Variants in MTUS2 observed in about 807,000 individuals in gnomAD.
MTUS2 encodes the protein microtubule associated scaffold protein 2.
Under a neutral mutation model 114.1 loss-of-function variants are expected in MTUS2, and 40 were observed. The ratio of observed to expected loss-of-function variants is 0.35; its 90% CI spans 0.27 to 0.46. MTUS2 has a LOEUF of 0.46. MTUS2 is among the 20% of genes least tolerant of loss of function. MTUS2 has a pLI of 1.00. For missense variants in MTUS2, 1,679 were observed against 1,705.4 expected (o/e 0.98, Z 0.27); for synonymous variants, 688 against 672.0 (o/e 1.02, Z -0.37).
At position 29,126,208 on chromosome 13, in the gene MTUS2, G is replaced by A. The variant is rs192770880; in HGVS notation, c.2644+25238G>A. Reference sequence around the variant, plus strand: ...CTCCTGCCCTTTACTGAGAACCCACGGGGAGGAGGTCTTTTCAGTTCCTTA... The same window carrying A: ...CTCCTGCCCTTTACTGAGAACCCACAGGGAGGAGGTCTTTTCAGTTCCTTA... On this transcript the variant is annotated intron_variant, in intron 5 of 15. Coordinates refer to ENST00000612955, the MANE Select transcript of MTUS2 (RefSeq NM_001033602.4). 8.5e-5 allele frequency among the ~76,000 whole-genome samples: 13 copies of A among 152,222 alleles called. No homozygotes were observed. In the East Asian group the frequency reaches 2.3e-3, roughly 27 times the overall value.
At chr13:28,867,212 T>C (rs1877350640) in intron 2 of MTUS2, among the ~76,000 whole-genome samples, 1 of 152,244 alleles carries the variant, frequency 6.6e-6, no homozygotes, top group South Asian at 2.1e-4. Flanking sequence ...TCTTTAATGT[T>C]AAGCAAATAC....
chr13:29,442,448 C>T (rs1877956295), intron 9 of MTUS2, among the ~76,000 whole-genome samples: 1 of 152,232 alleles, frequency 6.6e-6, no homozygotes, highest in Non-Finnish European at 1.5e-5. Context: ...CACACAACGT[C>T]TCAGACCTTG....
intron 5 of MTUS2, among the ~76,000 whole-genome samples, chr13:29,178,682 A>T (rs922636003): frequency 3.3e-5 from 5 of 149,306 alleles, no homozygotes; most frequent in African/African-American, 9.9e-5. Context: ...CAGAATTATT[A>T]AAAAAAAAAA....
At chr13:29,447,718 T>TG (rs1878392290) in intron 9 of MTUS2, among the ~76,000 whole-genome samples, 1 of 151,718 alleles carries the variant, frequency 6.6e-6, no homozygotes, top group South Asian at 2.1e-4. Context: ...GGTGTGTCCC[T>TG]GGAAAAGGCT....
intron 2 of MTUS2, among the ~76,000 whole-genome samples, chr13:28,964,257 A>G (rs1394354616): frequency 2.0e-5 from 3 of 152,114 alleles, no homozygotes; most frequent in African/African-American, 7.2e-5. Flanking sequence ...TAAGTCAACA[A>G]TCCTGGCAAG....
intron 9 of MTUS2, among the ~76,000 whole-genome samples, chr13:29,457,165 C>A (rs886678445): frequency 6.7e-6 from 1 of 149,746 alleles, no homozygotes; most frequent in Non-Finnish European, 1.5e-5. Context: ...AAAGACTATT[C>A]TTTTTGTTGT....
At chr13:29,332,850 T>G (rs1367629573) in intron 7 of MTUS2, among the ~76,000 whole-genome samples, 1 of 152,124 alleles carries the variant, frequency 6.6e-6, no homozygotes, top group Non-Finnish European at 1.5e-5. Context: ...TTAGCCAGGA[T>G]GGTCTTGATC....
At chr13:29,031,059 T>C (rs968140398) in intron 3 of MTUS2, among the ~76,000 whole-genome samples, 2 of 152,068 alleles carry the variant, frequency 1.3e-5, no homozygotes, top group Non-Finnish European at 2.9e-5. Flanking sequence ...GAGCCCTTTT[T>C]ATTTTTGGTA....
intron 8 of MTUS2, chr13:29,428,479 C>G: frequency 7.2e-6 from 2 of 278,466 alleles, no homozygotes; most frequent in Non-Finnish European, 1.3e-5. Flanking sequence ...AGCAGGCTGT[C>G]CTTTTAGGGA....
intron 6 of MTUS2, chr13:29,306,690 T>C (rs1303557259): frequency 1.1e-5 from 3 of 260,888 alleles, no homozygotes; most frequent in Non-Finnish European, 2.3e-5. Flanking sequence ...AAAGAATCAA[T>C]ATCATGAAAA....
At chr13:28,910,520 C>A (rs984740497) in intron 2 of MTUS2, among the ~76,000 whole-genome samples, 9 of 152,090 alleles carry the variant, frequency 5.9e-5, no homozygotes, top group African/African-American at 2.2e-4. Context: ...CCTGTTCTTT[C>A]TTTTCCTGAT....
chr13:29,446,650 A>G (rs1374526426), intron 9 of MTUS2, among the ~76,000 whole-genome samples: 1 of 152,220 alleles, frequency 6.6e-6, no homozygotes, highest in Non-Finnish European at 1.5e-5. Flanking sequence ...GCACTGACTG[A>G]TAATTTTGGG....
intron 4 of MTUS2, among the ~76,000 whole-genome samples, chr13:29,064,831 A>G (rs1389035112): frequency 1.3e-5 from 2 of 152,196 alleles, no homozygotes; most frequent in Admixed American, 6.5e-5. Flanking sequence ...CTTTATGTCC[A>G]TGAGTTCTAA....
intron 9 of MTUS2, among the ~76,000 whole-genome samples, chr13:29,477,291 C>A (rs1314302602): frequency 6.6e-6 from 1 of 152,214 alleles, no homozygotes; most frequent in Non-Finnish European, 1.5e-5. Context: ...AACACCCAGT[C>A]ATCTCAGGAT....
chr13:29,147,522 T>C (rs577564411), intron 5 of MTUS2, among the ~76,000 whole-genome samples: 1 of 152,298 alleles, frequency 6.6e-6, no homozygotes, highest in East Asian at 1.9e-4. Context: ...TGGGGTTTGA[T>C]TGATCTTGTC....
At chr13:28,904,568 A>G (rs188048700) in intron 2 of MTUS2, among the ~76,000 whole-genome samples, 1 of 152,142 alleles carries the variant, frequency 6.6e-6, no homozygotes, top group Non-Finnish European at 1.5e-5. Flanking sequence ...GGTTATAGAT[A>G]TGCAGCATTA....
intron 8 of MTUS2, among the ~76,000 whole-genome samples, chr13:29,369,743 T>A (rs1314745392): frequency 2.6e-5 from 4 of 152,158 alleles, no homozygotes; most frequent in Non-Finnish European, 5.9e-5. Context: ...TCCAAAATAG[T>A]GAAACTCTAT....
chr13:29,282,985 C>T (rs1898335025), intron 6 of MTUS2, among the ~76,000 whole-genome samples: 1 of 152,164 alleles, frequency 6.6e-6, no homozygotes. Context: ...ACAAACAATG[C>T]TGCAATAAAC....
intron 8 of MTUS2, among the ~76,000 whole-genome samples, chr13:29,419,549 A>G (rs1359969319): frequency 6.6e-6 from 1 of 152,172 alleles, no homozygotes; most frequent in African/African-American, 2.4e-5. Context: ...CAGTTTCATC[A>G]GGGCCTTCCC....
Sources: allele counts gnomAD v4.1 joint callset (sites outside exome capture counted in the v4.1 genomes callset), GRCh38; gene constraint gnomAD v4.1.1; transcripts MANE v1.5; gene names NCBI Gene and HGNC (gene_info 2026-07-23, HGNC 2026-07-21).